Variants in KIF3B observed in about 807,000 individuals in gnomAD.
KIF3B encodes kinesin family member 3B.
Under a neutral mutation model 74.3 loss-of-function variants are expected in KIF3B, and 38 were observed. The ratio of observed to expected loss-of-function variants is 0.51; its 90% CI spans 0.39 to 0.67. The LOEUF (loss-of-function observed/expected upper bound fraction) is 0.67. KIF3B is among the 30% of genes least tolerant of loss of function. The pLI is 0.00. For synonymous variants in KIF3B, 326 were observed against 342.5 expected, an observed-to-expected ratio of 0.95 and a Z score of 0.53; for missense variants, 649 against 932.0, an observed-to-expected ratio of 0.70 and a Z score of 3.95.
At chr20:32,313,717 T>C (rs1223205136) in intron 2 of KIF3B, among the ~76,000 whole-genome samples, 2 of 152,002 alleles carry the variant, frequency 1.3e-5, no homozygotes, top group African/African-American at 4.8e-5. Flanking sequence ...TTTTGTTTTG[T>C]TTTGTTTTGA....
At chr20:32,316,984 C>A in intron 5 of KIF3B, 110 bp downstream of exon 5, 1 of 817,030 alleles carries the variant, frequency 1.2e-6, no homozygotes, top group Admixed American at 2.1e-5. Flanking sequence ...GCCTGTAATC[C>A]CAGTGTTTTG....
At chr20:32,291,266 A>G (rs2047689980) in intron 1 of KIF3B, among the ~76,000 whole-genome samples, 1 of 152,186 alleles carries the variant, frequency 6.6e-6, no homozygotes, top group East Asian at 1.9e-4. Flanking sequence ...GGGGTTTTTT[A>G]CTGTAATTTT....
In KIF3B at chr20:32,334,129, A is replaced by G. The variant is rs1228883581; in HGVS notation, c.*2810A>G. 6.5e-6 allele frequency: 1 copy of G among 152,790 alleles called. No individual in the cohort carries two copies. The highest frequency in any genetic ancestry group is 1.9e-4 in the East Asian group (1 of 5,206). 9.5% of individuals were successfully genotyped at this position (152,790 alleles called of 1,614,324 possible). On this transcript the variant is annotated 3_prime_UTR_variant, in exon 9 of 9. Coordinates refer to ENST00000375712, the MANE Select transcript of KIF3B (RefSeq NM_004798.4). Reference sequence around the variant, plus strand: ...CCAGAAAGCAAGTCTAACAGGATCTAAGATGACCATCAGGAGAAGGAGTTT... The same window carrying G: ...CCAGAAAGCAAGTCTAACAGGATCTGAGATGACCATCAGGAGAAGGAGTTT...
chr20:32,305,524 C>T (rs549002846), intron 1 of KIF3B, among the ~76,000 whole-genome samples: 115 of 150,270 alleles, frequency 7.7e-4, no homozygotes, highest in African/African-American at 2.6e-3. Context: ...AAATGAAACT[C>T]TGTCTCTTTT....
chr20:32,297,626 A>G (rs1357859803), intron 1 of KIF3B, among the ~76,000 whole-genome samples: 1 of 152,158 alleles, frequency 6.6e-6, no homozygotes, highest in Non-Finnish European at 1.5e-5. Flanking sequence ...AATCATACAT[A>G]TATGAATTTG....
At chr20:32,323,120 T>TTATATATATTTA (rs2047882921) in intron 5 of KIF3B, among the ~76,000 whole-genome samples, 3 of 118,840 alleles carry the variant, frequency 2.5e-5, no homozygotes, top group Non-Finnish European at 1.6e-5. Context: ...ATTTATATAT[T>TTATATATATTTA]TATATTTATA....
rs754389985 is a variant in KIF3B at position 32,314,518 on chromosome 20, C to A, written c.1405-1700C>A. 2.0e-5 allele frequency among the ~76,000 whole-genome samples: 3 copies of A among 149,276 alleles called. No individual in the cohort carries two copies. The East Asian group carries it at 5.9e-4, about 29-fold the overall frequency. On this transcript the variant is annotated intron_variant, in intron 2 of 8. Coordinates refer to ENST00000375712, the MANE Select transcript of KIF3B (RefSeq NM_004798.4). Reference sequence around the variant, plus strand: ...TCATGCCACTGCACTCCAGCCTGGGCGACAAAGCGAGACTCCATCTAAAAA... The same window carrying A: ...TCATGCCACTGCACTCCAGCCTGGGAGACAAAGCGAGACTCCATCTAAAAA...
chr20:32,280,873 G>A (rs1311510009), intron 1 of KIF3B, among the ~76,000 whole-genome samples: 5 of 152,060 alleles, frequency 3.3e-5, no homozygotes, highest in Non-Finnish European at 5.9e-5. Flanking sequence ...CATATCCTTC[G>A]AGGAACTCAG....
chr20:32,329,421 C>G (rs2047919944), intron 7 of KIF3B, among the ~76,000 whole-genome samples: 2 of 150,696 alleles, frequency 1.3e-5, no homozygotes, highest in Admixed American at 1.3e-4. Flanking sequence ...ACAGTCATAG[C>G]TCGCTGTATC....
chr20:32,304,879 G>A lies in KIF3B; in HGVS notation c.-65-4834G>A, dbSNP rs556542891. ...AAAACAGCCAGGCATGGTGGCTCAC[G>A]CCTGTAATCCCACCACTTTGGGAGG... On this transcript the variant is annotated intron_variant, in intron 1 of 8. Coordinates refer to ENST00000375712, the MANE Select transcript of KIF3B (RefSeq NM_004798.4). 5.1e-4 allele frequency among the ~76,000 whole-genome samples: 78 copies of A among 151,758 alleles called. 2 individuals are homozygous for A. In the South Asian group the frequency reaches 0.012, roughly 24 times the overall value.
chr20:32,310,218 C>A lies in KIF3B; in HGVS notation c.441C>A (p.Ile147=), dbSNP rs1283898845. 1.2e-6 allele frequency: 2 copies of A among 1,613,906 alleles called. No individual in the cohort carries two copies. Among genetic ancestry groups the A allele is most frequent in the Non-Finnish European group, 1.7e-6 (2 of 1,179,820 alleles). ...TGGTCAGGGCTTCTTACTTAGAGAT[C>A]TACCAGGAGGAGATCCGAGATTTGC... ...QYLVRASYLE[I]YQEEIRDLLS... is the part of the protein sequence containing the mutation. The change falls in exon 2 of 9, where the codon ATC becomes ATA. Residue 147 remains isoleucine (I), a synonymous_variant. Transcript: ENST00000375712. This position sits in a 1 kb window ranked among gnomAD's most constrained non-coding sequence, Gnocchi z 6.5.
chr20:32,311,872 G>A (rs1419404491), intron 2 of KIF3B, among the ~76,000 whole-genome samples: 2 of 143,722 alleles, frequency 1.4e-5, no homozygotes, highest in African/African-American at 5.2e-5. Context: ...GCGCGATCTC[G>A]GCTCACTGCA....
chr20:32,277,667 CG>C lies in KIF3B; in HGVS notation c.-160del. ...TGAGCGGCCACTGTCTCTCCCCATC[CG>C]GGGCAGCGGGGAATGGCTGAGCCAG... On this transcript the variant is annotated 5_prime_UTR_variant, in exon 1 of 9. Coordinates refer to ENST00000375712, the MANE Select transcript of KIF3B (RefSeq NM_004798.4). 4.2e-6 allele frequency: 1 copy of C among 239,704 alleles called. No homozygotes were observed. Among genetic ancestry groups the C allele is most frequent in the Non-Finnish European group, 7.7e-6 (1 of 129,370 alleles). 14.8% of individuals were successfully genotyped at this position (239,704 alleles called of 1,614,324 possible).
intron 5 of KIF3B, among the ~76,000 whole-genome samples, chr20:32,324,928 G>A (rs1293032170): frequency 2.6e-5 from 4 of 152,050 alleles, no homozygotes; most frequent in Non-Finnish European, 5.9e-5. Flanking sequence ...CTACTCCGGG[G>A]GCTGAGGCAC....
chr20:32,289,798 A>G (rs887026712), intron 1 of KIF3B, among the ~76,000 whole-genome samples: 5 of 152,298 alleles, frequency 3.3e-5, no homozygotes, highest in Non-Finnish European at 7.4e-5. Flanking sequence ...CAATCGGATT[A>G]TTGACATTTA....
At chr20:32,314,666 C>T (rs554525410) in intron 2 of KIF3B, among the ~76,000 whole-genome samples, 4 of 152,176 alleles carry the variant, frequency 2.6e-5, no homozygotes, top group Admixed American at 2.0e-4. Flanking sequence ...TGAAAGATGG[C>T]AGCAGAGCTC....
intron 5 of KIF3B, among the ~76,000 whole-genome samples, chr20:32,322,780 TTA>T (rs1262191572): frequency 0.01 from 604 of 58,052 alleles, 75 homozygotes; most frequent in African/African-American, 0.066. Context: ...ATATATATAT[TTA>T]TATATATTTA....
chr20:32,322,792 A>ATATATATT (rs2047873699), intron 5 of KIF3B, among the ~76,000 whole-genome samples: 1 of 60,752 alleles, frequency 1.6e-5, no homozygotes, highest in East Asian at 1.2e-3. Flanking sequence ...ATATATATTT[A>ATATATATT]TATATATATT....
intron 1 of KIF3B, among the ~76,000 whole-genome samples, chr20:32,304,459 G>C (rs1459522129): frequency 2.0e-5 from 3 of 152,184 alleles, no homozygotes; most frequent in African/African-American, 7.2e-5. Flanking sequence ...AGGAATTGAT[G>C]CTTACAGATA....
Sources: allele counts gnomAD v4.1 joint callset (sites outside exome capture counted in the v4.1 genomes callset), GRCh38; gene constraint gnomAD v4.1.1; non-coding constraint Gnocchi (gnomAD v3.1); transcripts MANE v1.5; gene names NCBI Gene and HGNC (gene_info 2026-07-23, HGNC 2026-07-21).